NEU3: variants seen among roughly 807,000 people sequenced by gnomAD.
NEU3 encodes the protein neuraminidase 3, also known as sialidase-3.
NEU3 carries 10 observed loss-of-function variants against 11.4 expected under a neutral mutation model. The ratio of observed to expected loss-of-function variants is 0.88; its 90% CI spans 0.54 to 1.49. NEU3 has a LOEUF of 1.49. Ranked by LOEUF, NEU3 falls within the 40% of genes most tolerant of loss-of-function variation. The pLI, the probability that NEU3 is intolerant of heterozygous loss-of-function variation, is 0.00. For synonymous variants in NEU3, 212 were observed against 228.2 expected (o/e 0.93, Z 0.64); for missense variants, 529 against 581.8 (o/e 0.91, Z 0.93).
chr11:74,982,656 GC>G, the NEU3 span, among the ~76,000 whole-genome samples: 18 of 152,166 alleles, frequency 1.2e-4, 1 homozygote, highest in Middle Eastern at 0.01. Flanking sequence ...ATCCTCCTTG[GC>G]CCCATGGGGA....
Position 75,008,909 on chromosome 11 carries a change from G to A in NEU3, c.*2417G>A, listed in dbSNP as rs1231224241. On this transcript the variant is annotated 3_prime_UTR_variant, in exon 3 of 3. Coordinates refer to ENST00000294064, the MANE Select transcript of NEU3 (RefSeq NM_006656.6). Reference sequence around the variant, plus strand: ...GAAGGGAGTCAAGGCAGGGACCTTGGTCTGTGCCACTGTGACGCAGAGATG... The same window carrying A: ...GAAGGGAGTCAAGGCAGGGACCTTGATCTGTGCCACTGTGACGCAGAGATG... 6.6e-6 allele frequency: 1 copy of A among 151,940 alleles called. No individual in the cohort carries two copies. The highest frequency in any genetic ancestry group is 2.4e-5 in the African/African-American group (1 of 41,352). 9.4% of individuals were successfully genotyped at this position (151,940 alleles called of 1,614,324 possible). A position where few individuals can be genotyped will look rare whatever the true frequency, so the allele number is the denominator to read the frequency against.
At chr11:75,013,541 GTGCCCCAGACTTTTTGCTCCCC>G (rs1372414726), downstream of NEU3, among the ~76,000 whole-genome samples, 2 of 152,146 alleles carry the variant, frequency 1.3e-5, no homozygotes, top group Non-Finnish European at 2.9e-5. Flanking sequence ...CCTTCTGACT[GTGCCCCAGACTTTTTGCTCCCC>G]TGCTATGAGG....
chr11:74,981,423 A>G, the NEU3 span, among the ~76,000 whole-genome samples: 6 of 152,322 alleles, frequency 3.9e-5, no homozygotes, highest in African/African-American at 1.4e-4. Flanking sequence ...GTGTTCTGTT[A>G]GCAGTAAGCT....
At position 75,006,934 on chromosome 11, in the gene NEU3, A is replaced by T. The variant is rs1948905966; in HGVS notation, c.*442A>T. On this transcript the variant is annotated 3_prime_UTR_variant, in exon 3 of 3. Coordinates refer to ENST00000294064, the MANE Select transcript of NEU3 (RefSeq NM_006656.6). ...TACCTTTTCACATGACTTACCCCTC[A>T]TCCGAGTGTGAGGTTACAAGCAGGT... The T allele has an allele frequency of 6.4e-6, 1 of 157,358 alleles. No individual in the cohort carries two copies. The highest frequency in any genetic ancestry group is 2.4e-5 in the African/African-American group (1 of 41,456). 9.7% of individuals were successfully genotyped at this position (157,358 alleles called of 1,614,324 possible).
chr11:74,982,503 T>A, the NEU3 span, among the ~76,000 whole-genome samples: 1 of 152,132 alleles, frequency 6.6e-6, no homozygotes. Flanking sequence ...CTCCAGTGGG[T>A]CACCTTCGAC....
At chr11:74,987,803 A>G (rs574055221), upstream of NEU3, among the ~76,000 whole-genome samples, 3 of 150,468 alleles carry the variant, frequency 2.0e-5, no homozygotes, top group East Asian at 3.9e-4. Flanking sequence ...GCAGAGACAC[A>G]CTCCATCTCA....
the NEU3 span, among the ~76,000 whole-genome samples, chr11:74,981,133 A>G: frequency 1.3e-5 from 2 of 152,242 alleles, no homozygotes; most frequent in South Asian, 4.1e-4. Context: ...CCATGCAGAC[A>G]CAACAGGAAA....
At chr11:74,993,499 C>T (rs1013646387) in intron 1 of NEU3, among the ~76,000 whole-genome samples, 5 of 152,150 alleles carry the variant, frequency 3.3e-5, no homozygotes, top group South Asian at 2.1e-4. Context: ...CCACCACGCC[C>T]GGCCTGGTTA....
chr11:74,998,070 G>A (rs3018833), intron 2 of NEU3, among the ~76,000 whole-genome samples: 130,049 of 152,066 alleles, frequency 0.86, 55,871 homozygotes, highest in African/African-American at 0.92. Context: ...TAATTTCAAT[G>A]TTGTTGCATT....
downstream of NEU3, among the ~76,000 whole-genome samples, chr11:75,013,728 C>G (rs535740223): frequency 1.0e-3 from 154 of 152,284 alleles, no homozygotes; most frequent in African/African-American, 3.3e-3. Context: ...TGTAAAGTGC[C>G]TACTATGTAC....
chr11:74,986,486 A>AT (rs1238821039), upstream of NEU3, among the ~76,000 whole-genome samples: 2 of 152,212 alleles, frequency 1.3e-5, no homozygotes, highest in African/African-American at 4.8e-5. Flanking sequence ...ACTGATTTAG[A>AT]TTTTTAAATA....
At chr11:74,984,722 G>C (rs652968), upstream of NEU3, among the ~76,000 whole-genome samples, 144,792 of 152,082 alleles carry the variant, frequency 0.95, 69,001 homozygotes, top group African/African-American at 0.99. Flanking sequence ...CTGCTAATAC[G>C]GGTGCCAGGC....
At chr11:74,983,089 T>G in the NEU3 span, among the ~76,000 whole-genome samples, 1 of 152,130 alleles carries the variant, frequency 6.6e-6, no homozygotes, top group Non-Finnish European at 1.5e-5. Flanking sequence ...TAATGAAAAT[T>G]GGATCCTGAC....
rs1374558096 is a variant in NEU3 at position 75,006,813 on chromosome 11, C to T, written c.*321C>T. On this transcript the variant is annotated 3_prime_UTR_variant, in exon 3 of 3. Coordinates refer to ENST00000294064, the MANE Select transcript of NEU3 (RefSeq NM_006656.6). ...TATTGGTTCTAAGATTTCTCATCTT[C>T]TCATCCCTAGGACAAGCATAGTGCC... 1 of 255,982 alleles carries T rather than the reference C, an allele frequency of 3.9e-6. No individual in the cohort carries two copies. Among genetic ancestry groups the T allele is most frequent in the African/African-American group, 2.3e-5 (1 of 44,354 alleles). 15.9% of individuals were successfully genotyped at this position (255,982 alleles called of 1,614,324 possible).
chr11:75,000,903 T>C (rs1409507637), intron 2 of NEU3, among the ~76,000 whole-genome samples: 4 of 152,128 alleles, frequency 2.6e-5, no homozygotes, highest in Non-Finnish European at 5.9e-5. Flanking sequence ...TTGGGTATTG[T>C]GAATAACATT....
Position 75,005,654 on chromosome 11 carries a change from G to T in NEU3, c.548G>T (p.Gly183Val), listed in dbSNP as rs1184665875. The change falls in exon 3 of 3, where the codon GGC becomes GTC. Residue 183 changes from glycine (G) to valine (V), a missense_variant. By Grantham distance (109) the Gly-to-Val change is moderately radical. Transcript: ENST00000294064. Reference sequence around the variant, plus strand: ...AGGGACTTGACTGAGGAGGTCATTGGCTCAGAGCTGAAGCACTGGGCCACA... The same window carrying T: ...AGGGACTTGACTGAGGAGGTCATTGTCTCAGAGCTGAAGCACTGGGCCACA... ...EVRDLTEEVI[G>V]SELKHWATFA... 6.2e-7 allele frequency: 1 copy of T among 1,613,884 alleles called. No homozygotes were observed. The highest frequency in any genetic ancestry group is 1.3e-5 in the African/African-American group (1 of 74,918).
At chr11:74,998,622 C>T (rs116038120) in intron 2 of NEU3, among the ~76,000 whole-genome samples, 1,571 of 152,348 alleles carry the variant, frequency 0.01, 30 homozygotes, top group African/African-American at 0.034. Flanking sequence ...TTCATATCCA[C>T]AGCAGATAAC....
At chr11:75,013,294 G>T (rs1206683928), downstream of NEU3, among the ~76,000 whole-genome samples, 1 of 132,508 alleles carries the variant, frequency 7.5e-6, no homozygotes, top group African/African-American at 2.9e-5. Context: ...TCCTCAAAAG[G>T]GTTTAGAAAA....
downstream of NEU3, among the ~76,000 whole-genome samples, chr11:75,012,791 G>A (rs1322022879): frequency 1.3e-5 from 2 of 152,098 alleles, no homozygotes; most frequent in Admixed American, 6.5e-5. Context: ...AAGTAGCAAC[G>A]AGCACTGTGA....
Sources: allele counts gnomAD v4.1 joint callset (sites outside exome capture counted in the v4.1 genomes callset), GRCh38; gene constraint gnomAD v4.1.1; transcripts MANE v1.5; gene names NCBI Gene and HGNC (gene_info 2026-07-23, HGNC 2026-07-21).